C9orf72: variants seen among roughly 807,000 people sequenced by gnomAD.
C9orf72 encodes the protein guanine nucleotide exchange factor C9orf72.
In C9orf72, 44 loss-of-function variants were observed where a neutral mutation model predicts 51.6. That is an observed-to-expected ratio of 0.85 (90% CI 0.67 to 1.10). The LOEUF is 1.10. Among genes scored for constraint, C9orf72 ranks in the 50% least tolerant of loss-of-function variants. The pLI, the probability that C9orf72 is intolerant of heterozygous loss-of-function variation, is 0.00. For missense variants in C9orf72, 607 were observed against 570.6 expected (o/e 1.06, Z -0.65); for synonymous variants, 213 against 194.2 (o/e 1.10, Z -0.81).
chr9:27,553,792 C>T (rs113264117), intron 8 of C9orf72, among the ~76,000 whole-genome samples: 13 of 152,150 alleles, frequency 8.5e-5, no homozygotes, highest in African/African-American at 3.1e-4. Context: ...TATCTGCAAA[C>T]CATGTATCCA....
At chr9:27,565,003 C>G (rs930761053) in intron 3 of C9orf72, among the ~76,000 whole-genome samples, 1 of 152,070 alleles carries the variant, frequency 6.6e-6, no homozygotes, top group Non-Finnish European at 1.5e-5. Context: ...GGCACATTTT[C>G]CTAGAGGAGA....
rs972450585 is a variant in C9orf72, at chr9:27,548,848, A to T, written c.1150-182T>A. Among the ~76,000 whole-genome samples, 64 of 145,146 alleles carry T rather than the reference A, an allele frequency of 4.4e-4. 1 individual carries two copies. Among genetic ancestry groups the T allele is most frequent in the Non-Finnish European group, 7.6e-4 (50 of 66,176 alleles). ...GCACTAGGTGTAGGAACAATCTGAT[A>T]TTTTTTTTTTTTTTTGAGACGGAGT... On this transcript the variant is annotated intron_variant, in intron 9 of 10. Transcript: ENST00000380003.
chr9:27,557,313 A>G (rs574834689), intron 7 of C9orf72, among the ~76,000 whole-genome samples: 1 of 152,278 alleles, frequency 6.6e-6, no homozygotes, highest in Non-Finnish European at 1.5e-5. Flanking sequence ...TATAAAACAA[A>G]TTTACTTCTT....
chr9:27,549,456 G>A (rs935223357), intron 9 of C9orf72, among the ~76,000 whole-genome samples: 26 of 152,156 alleles, frequency 1.7e-4, no homozygotes, highest in African/African-American at 6.3e-4. Context: ...GAAATTCCAG[G>A]CCTACGAATT....
In C9orf72 at chr9:27,548,250, G is replaced by A; in HGVS notation, c.1432C>T (p.Leu478=). The part of the protein sequence containing the change: ...FYTSVQERDV[L]MTF Reference sequence around the variant, plus strand: ...AAGTTACACATTTAAAAAGTCATTAGAACATCTCGTTCTTGCACACTAGTG... The same window carrying A: ...AAGTTACACATTTAAAAAGTCATTAAAACATCTCGTTCTTGCACACTAGTG... The change falls in exon 11 of 11, where the codon CTA becomes TTA. Residue 478 remains leucine (L), a synonymous_variant. Coordinates refer to ENST00000380003, the MANE Select transcript of C9orf72 (RefSeq NM_018325.5). 1.2e-6 allele frequency: 2 copies of A among 1,607,700 alleles called. No individual in the cohort carries two copies. Among genetic ancestry groups the A allele is most frequent in the Non-Finnish European group, 1.7e-6 (2 of 1,177,132 alleles).
intron 1 of C9orf72, among the ~76,000 whole-genome samples, chr9:27,573,009 A>G (rs1819621983): frequency 6.6e-6 from 1 of 152,040 alleles, no homozygotes; most frequent in Non-Finnish European, 1.5e-5. Context: ...TCGGGTTCCT[A>G]GCGAACCCCG....
At chr9:27,555,403 G>A (rs1820988436) in intron 8 of C9orf72, among the ~76,000 whole-genome samples, 1 of 152,060 alleles carries the variant, frequency 6.6e-6, no homozygotes, top group African/African-American at 2.4e-5. Context: ...AATTACTGGT[G>A]CTCCACAGGT....
Position 27,546,820 on chromosome 9 carries a change from C to T in C9orf72, c.*1416G>A, listed in dbSNP as rs1196174084. On this transcript the variant is annotated 3_prime_UTR_variant, in exon 11 of 11. Transcript: ENST00000380003. ...CTAGTTCAGTGGTTGTCTAAAACAT[C>T]AAGCTGTCCACATCTTTCTGATTCA... 6.6e-6 allele frequency: 1 copy of T among 152,146 alleles called. No individual in the cohort carries two copies. The highest frequency in any genetic ancestry group is 1.5e-5 in the Non-Finnish European group (1 of 68,022). The allele number at this position is 152,146 out of a possible 1,614,324, so 9.4% of individuals were successfully genotyped here.
chr9:27,548,868 C>T (rs933747189), intron 9 of C9orf72, among the ~76,000 whole-genome samples: 6 of 148,186 alleles, frequency 4.0e-5, no homozygotes, highest in South Asian at 2.1e-4. Context: ...TTTTTTGAGA[C>T]GGAGTCTAGC....
At chr9:27,558,262 G>C (rs1401053621) in intron 7 of C9orf72, among the ~76,000 whole-genome samples, 1 of 151,328 alleles carries the variant, frequency 6.6e-6, no homozygotes, top group Non-Finnish European at 1.5e-5. Context: ...AGACATGTAG[G>C]AACAGGGACC....
In C9orf72 at chr9:27,548,337, T is replaced by C. The variant is rs1449605653; in HGVS notation, c.1345A>G (p.Met449Val). ...LTAEGDLNII[M>V]ALAEKIKPGL... Reference sequence around the variant, plus strand: ...GGTTTAATTTTCTCAGCCAGAGCCATTATTATGTTAAGATCGCCCTCTGCT... The same window carrying C: ...GGTTTAATTTTCTCAGCCAGAGCCACTATTATGTTAAGATCGCCCTCTGCT... Residue 449 changes from methionine to valine, a missense_variant, in exon 11 of 11, where the codon ATG becomes GTG. Transcript: ENST00000380003. The C allele has an allele frequency of 2.5e-6, 4 of 1,611,836 alleles. No homozygotes were observed. Among genetic ancestry groups the C allele is most frequent in the East Asian group, 2.2e-5 (1 of 44,776 alleles).
rs11292923 is a variant in C9orf72 at position 27,548,435 on chromosome 9, GAAAAAAAAA to G, written c.1260-22_1260-14del. On this transcript the variant is annotated splice_polypyrimidine_tract_variant and intron_variant, in intron 10 of 10. Transcript: ENST00000380003. ...TTTTCCCTTCTGCCTAAAAATAATG[GAAAAAAAAA>G]AAAAAAAAAAAAAAAAAGAAGCGCA... 1.1e-3 allele frequency: 185 copies of G among 174,868 alleles called. No homozygotes were observed. The highest frequency in any genetic ancestry group is 2.6e-3 in the Admixed American group (23 of 8,746). 10.8% of individuals were successfully genotyped at this position (174,868 alleles called of 1,614,324 possible).
At chr9:27,549,521 T>C (rs1362336862) in intron 9 of C9orf72, among the ~76,000 whole-genome samples, 2 of 152,174 alleles carry the variant, frequency 1.3e-5, no homozygotes, top group Non-Finnish European at 2.9e-5. Flanking sequence ...CCAAAATTTC[T>C]AGTAAACATA....
intron 4 of C9orf72, among the ~76,000 whole-genome samples, chr9:27,562,116 G>A (rs527281526): frequency 2.6e-4 from 40 of 152,232 alleles, no homozygotes; most frequent in Middle Eastern, 6.8e-3. Context: ...TATAAGAGCT[G>A]GGATCCTCCC....
intron 8 of C9orf72, among the ~76,000 whole-genome samples, chr9:27,555,795 T>C (rs1195367357): frequency 6.6e-6 from 1 of 152,084 alleles, no homozygotes; most frequent in Admixed American, 6.6e-5. Context: ...ACTCCTGGCC[T>C]CAAGTGATCC....
At chr9:27,558,988 C>T (rs913254045) in intron 6 of C9orf72, 1 of 154,628 alleles carries the variant, frequency 6.5e-6, no homozygotes, top group African/African-American at 2.4e-5. Flanking sequence ...AAAGAATGTC[C>T]AGATCCTCCA....
Position 27,548,441 on chromosome 9 carries a change from A to G in C9orf72, c.1260-19T>C. 3 of 1,270,090 alleles carry G rather than the reference A, an allele frequency of 2.4e-6. No individual in the cohort carries two copies. The highest frequency in any genetic ancestry group is 1.5e-5 in the South Asian group (1 of 66,530). 78.7% of individuals were successfully genotyped at this position (1,270,090 alleles called of 1,614,324 possible). On this transcript the variant is annotated intron_variant, in intron 10 of 10. Coordinates refer to ENST00000380003, the MANE Select transcript of C9orf72 (RefSeq NM_018325.5). ...CTTCTGCCTAAAAATAATGGAAAAA[A>G]AAAAAAAAAAAAAAAAAAAAGAAGC...
At chr9:27,571,339 AG>A (rs1345117629) in intron 1 of C9orf72, 1 of 152,216 alleles carries the variant, frequency 6.6e-6, no homozygotes, top group Non-Finnish European at 1.5e-5. Flanking sequence ...GCTAAGTTTG[AG>A]GTTTTGCTTT....
At chr9:27,568,791 A>C (rs1819526228) in intron 1 of C9orf72, among the ~76,000 whole-genome samples, 1 of 152,092 alleles carries the variant, frequency 6.6e-6, no homozygotes, top group Non-Finnish European at 1.5e-5. Context: ...TTATGTATTC[A>C]CTATACTATG....
Sources: allele counts gnomAD v4.1 joint callset (sites outside exome capture counted in the v4.1 genomes callset), GRCh38; gene constraint gnomAD v4.1.1; transcripts MANE v1.5; gene names NCBI Gene and HGNC (gene_info 2026-07-23, HGNC 2026-07-21).